Variants in EBF1 observed in about 807,000 individuals in gnomAD.
EBF1 encodes the protein transcription factor COE1.
In EBF1, 10 loss-of-function variants were observed where a neutral mutation model predicts 68.4. The ratio of observed to expected loss-of-function variants is 0.15; its 90% CI spans 0.09 to 0.25. The LOEUF is 0.25. Among genes scored for constraint, EBF1 ranks in the 10% least tolerant of loss-of-function variants. The probability of loss-of-function intolerance (pLI) is 1.00; values close to 1 mark genes in which losing one functional copy is unlikely to be tolerated. For synonymous variants in EBF1, 298 were observed against 299.8 expected (o/e 0.99, Z 0.06); for missense variants, 509 against 794.4 (o/e 0.64, Z 4.32).
rs75282477 is a variant in EBF1, at chr5:158,746,264, T to C, written c.1037-15107A>G. Among the ~76,000 whole-genome samples the C allele has an allele frequency of 5.3e-3, 813 of 152,298 alleles. 11 individuals carry two copies. The highest frequency in any genetic ancestry group is 0.019 in the African/African-American group (779 of 41,558). ...CTAATAAAAGTGACAATTGGTTAAA[T>C]TCTTAATAACAGCAACTTTAATGGA... On this transcript the variant is annotated intron_variant, in intron 10 of 15. Transcript: ENST00000313708.
At chr5:158,860,468 G>A (rs1337660140) in intron 6 of EBF1, among the ~76,000 whole-genome samples, 1 of 152,150 alleles carries the variant, frequency 6.6e-6, no homozygotes, top group Non-Finnish European at 1.5e-5. Flanking sequence ...GCAGATCTGG[G>A]GTATAAGTGA....
At chr5:158,768,649 G>A (rs754140380) in intron 10 of EBF1, among the ~76,000 whole-genome samples, 9 of 152,064 alleles carry the variant, frequency 5.9e-5, no homozygotes, top group African/African-American at 1.9e-4. Flanking sequence ...ACGTCTCTTC[G>A]TTAACTTTAA....
At chr5:159,096,558 G>T in intron 2 of EBF1, 152 bp from the exon 3 acceptor site, 3 of 802,696 alleles carry the variant, frequency 3.7e-6, no homozygotes, top group East Asian at 2.7e-5. Flanking sequence ...GGCCAATTGT[G>T]ATCCCTCCTC....
Position 158,810,547 on chromosome 5 carries a change from G to C in EBF1, c.778+12629C>G, listed in dbSNP as rs1582099797. ...AGGCCTCAAATCTGACACTGTCTGT[G>C]TCCCTGTTCCCTGGGTCCCCTGCTG... On this transcript the variant is annotated intron_variant, in intron 8 of 15. Coordinates refer to ENST00000313708, the MANE Select transcript of EBF1 (RefSeq NM_024007.5). Among the ~76,000 whole-genome samples the C allele has an allele frequency of 2.6e-5, 4 of 152,096 alleles. No individual in the cohort carries two copies. In the East Asian group the frequency reaches 7.7e-4, roughly 29 times the overall value.
chr5:158,768,965 G>C (rs547380692), intron 10 of EBF1, among the ~76,000 whole-genome samples: 27 of 152,254 alleles, frequency 1.8e-4, no homozygotes, highest in Admixed American at 1.2e-3. Flanking sequence ...ACTTTACAGT[G>C]TTGCATTACA....
chr5:159,051,016 A>G (rs375766470), intron 6 of EBF1, among the ~76,000 whole-genome samples: 4 of 152,114 alleles, frequency 2.6e-5, no homozygotes, highest in African/African-American at 9.7e-5. Flanking sequence ...CTTAACAGCA[A>G]TTATACGAAT....
intron 6 of EBF1, among the ~76,000 whole-genome samples, chr5:158,875,523 C>T (rs978834194): frequency 6.6e-6 from 1 of 152,120 alleles, no homozygotes. Flanking sequence ...ATTCATAAGA[C>T]AAAACAAATA....
chr5:158,740,082 C>T (rs1765987419), intron 10 of EBF1, among the ~76,000 whole-genome samples: 1 of 152,140 alleles, frequency 6.6e-6, no homozygotes, highest in Admixed American at 6.5e-5. Context: ...CAATAAGACA[C>T]GGTTTACTGG....
At chr5:158,734,670 G>A (rs1173534952) in intron 10 of EBF1, among the ~76,000 whole-genome samples, 1 of 152,068 alleles carries the variant, frequency 6.6e-6, no homozygotes, top group Non-Finnish European at 1.5e-5. Flanking sequence ...CAGAAGAAAT[G>A]GGACTAACCA....
intron 6 of EBF1, among the ~76,000 whole-genome samples, chr5:158,953,976 T>G (rs1396470709): frequency 1.3e-5 from 2 of 152,250 alleles, no homozygotes; most frequent in African/African-American, 4.8e-5. Context: ...TTTCCCAATC[T>G]GCCTTTCACA....
intron 6 of EBF1, among the ~76,000 whole-genome samples, chr5:159,053,808 T>A (rs1029307751): frequency 6.6e-6 from 1 of 152,230 alleles, no homozygotes; most frequent in Non-Finnish European, 1.5e-5. Flanking sequence ...AGGCATTGCA[T>A]GGCAAAAATA....
intron 5 of EBF1, among the ~76,000 whole-genome samples, chr5:159,076,628 CA>C (rs201946281): frequency 0.017 from 2,522 of 152,038 alleles, 54 homozygotes; most frequent in East Asian, 0.077. Flanking sequence ...TCACCACTTA[CA>C]AAAAAAACTT....
rs139771771 is a variant in EBF1, at chr5:158,994,550, G to A, written c.554+78846C>T. On this transcript the variant is annotated intron_variant, in intron 6 of 15. Coordinates refer to ENST00000313708, the MANE Select transcript of EBF1 (RefSeq NM_024007.5). Reference sequence around the variant, plus strand: ...GACAACTCTGGAACATCCCTTGCACGCCTTTTGAGTAAAGTATAATATTTC... The same window carrying A: ...GACAACTCTGGAACATCCCTTGCACACCTTTTGAGTAAAGTATAATATTTC... Among the ~76,000 whole-genome samples the A allele has an allele frequency of 6.6e-5, 10 of 152,268 alleles. No individual in the cohort carries two copies. The East Asian group carries it at 1.5e-3, about 24-fold the overall frequency.
chr5:158,916,123 C>G (rs757708875), intron 6 of EBF1, among the ~76,000 whole-genome samples: 2 of 152,156 alleles, frequency 1.3e-5, no homozygotes, highest in Non-Finnish European at 2.9e-5. Flanking sequence ...TTCTTTACTT[C>G]TTCTTAATCC....
chr5:158,777,959 C>T (rs1252125429), intron 9 of EBF1, among the ~76,000 whole-genome samples: 1 of 152,154 alleles, frequency 6.6e-6, no homozygotes, highest in African/African-American at 2.4e-5. Flanking sequence ...AACAGCAGGC[C>T]AAGGCACTGT....
At chr5:158,912,736 C>T (rs1406695032) in intron 6 of EBF1, among the ~76,000 whole-genome samples, 3 of 152,158 alleles carry the variant, frequency 2.0e-5, no homozygotes, top group African/African-American at 7.2e-5. Flanking sequence ...AGGTTAGTTC[C>T]CTCCACTATG....
At chr5:158,906,815 G>T (rs567502897) in intron 6 of EBF1, among the ~76,000 whole-genome samples, 2 of 152,098 alleles carry the variant, frequency 1.3e-5, no homozygotes, top group Non-Finnish European at 2.9e-5. Context: ...GTTTACTAGC[G>T]CACTGTGAAA....
At chr5:158,738,871 C>T (rs1158073547) in intron 10 of EBF1, among the ~76,000 whole-genome samples, 6 of 152,094 alleles carry the variant, frequency 3.9e-5, no homozygotes, top group Admixed American at 2.0e-4. Context: ...ACTAAATATC[C>T]GTGAAACAAA....
intron 6 of EBF1, among the ~76,000 whole-genome samples, chr5:159,044,563 G>T (rs1771931662): frequency 1.3e-5 from 2 of 152,144 alleles, no homozygotes. Flanking sequence ...CTCTCTTCCA[G>T]TGTAAGTCAC....
Sources: allele counts gnomAD v4.1 joint callset (sites outside exome capture counted in the v4.1 genomes callset), GRCh38; gene constraint gnomAD v4.1.1; transcripts MANE v1.5; gene names NCBI Gene and HGNC (gene_info 2026-07-23, HGNC 2026-07-21).